Variants in SRRM3 observed in about 807,000 individuals in gnomAD.
SRRM3 encodes serine/arginine repetitive matrix protein 3.
In SRRM3, 27 loss-of-function variants were observed where a neutral mutation model predicts 66.2. That is an observed-to-expected ratio of 0.41 (90% CI 0.30 to 0.56). SRRM3 has a LOEUF of 0.56. Ranked by LOEUF, SRRM3 falls within the 20% of genes least tolerant of loss-of-function variation. The pLI is 0.32. For missense variants in SRRM3, 918 were observed against 991.9 expected (o/e 0.93, Z 1.00); for synonymous variants, 391 against 414.9 (o/e 0.94, Z 0.70).
intron 1 of SRRM3, among the ~76,000 whole-genome samples, chr7:76,226,945 C>T (rs942476736): frequency 7.2e-5 from 11 of 152,152 alleles, no homozygotes; most frequent in African/African-American, 2.2e-4. Flanking sequence ...AGGAAAGGAC[C>T]CTTGGGGTCT....
chr7:76,250,485 C>T (rs1368278375), intron 3 of SRRM3, among the ~76,000 whole-genome samples: 1 of 152,124 alleles, frequency 6.6e-6, no homozygotes, highest in African/African-American at 2.4e-5. Flanking sequence ...CCACCCGCCT[C>T]GGCCTCCCAA....
Position 76,240,283 on chromosome 7 carries a change from A to C in SRRM3, c.233+4984A>C, listed in dbSNP as rs575078192. Among the ~76,000 whole-genome samples, 36 of 152,214 alleles carry C rather than the reference A, an allele frequency of 2.4e-4. 1 individual carries two copies. In the South Asian group the frequency reaches 6.0e-3, roughly 25 times the overall value. On this transcript the variant is annotated intron_variant, in intron 2 of 14. Transcript: ENST00000611745. Reference sequence around the variant, plus strand: ...AGAATTGCTTGAGGCCAAGAGTTTGAGACCAGCCTGTGTAACATAGCAAGA... The same window carrying C: ...AGAATTGCTTGAGGCCAAGAGTTTGCGACCAGCCTGTGTAACATAGCAAGA...
chr7:76,255,468 G>T (rs1339102409), intron 3 of SRRM3, among the ~76,000 whole-genome samples: 5 of 151,452 alleles, frequency 3.3e-5, no homozygotes, highest in Admixed American at 3.3e-4. Flanking sequence ...TAAAGATGGG[G>T]TCTCGCTGTG....
At chr7:76,247,436 T>C (rs1894761) in intron 2 of SRRM3, among the ~76,000 whole-genome samples, 52,691 of 151,674 alleles carry the variant, frequency 0.35, 10,583 homozygotes, top group East Asian at 0.6. Flanking sequence ...TGGGATGTCA[T>C]GGAGGCCAGG....
intron 2 of SRRM3, among the ~76,000 whole-genome samples, chr7:76,241,871 G>A (rs143208353): frequency 6.6e-6 from 1 of 152,286 alleles, no homozygotes; most frequent in East Asian, 1.9e-4. Flanking sequence ...AATACATCAC[G>A]TCTGTGTTAG....
intron 14 of SRRM3, chr7:76,283,482 C>G (rs1554612318): frequency 4.4e-6 from 2 of 456,498 alleles, no homozygotes; most frequent in Middle Eastern, 3.3e-4. Flanking sequence ...TCCCTGCATC[C>G]GTCTCCGGAC....
At position 76,223,700 on chromosome 7, in the gene SRRM3, T is replaced by C. The variant is rs1800778914; in HGVS notation, c.-39-11328T>C. 1.3e-5 allele frequency among the ~76,000 whole-genome samples: 2 copies of C among 152,060 alleles called. 1 individual carries two copies. Among genetic ancestry groups the C allele is most frequent in the South Asian group, 4.1e-4 (2 of 4,826 alleles). ...CACACTGGGCTTTTTCTCTGGAAGG[T>C]CTCATCCTGCGTTTGCAGCCACCAC... is the stretch of plus-strand genomic sequence containing the variant. On this transcript the variant is annotated intron_variant, in intron 1 of 14. Coordinates refer to ENST00000611745, the MANE Select transcript of SRRM3 (RefSeq NM_001110199.3).
chr7:76,242,196 T>A lies in SRRM3; in HGVS notation c.234-5992T>A, dbSNP rs531154753. Among the ~76,000 whole-genome samples the A allele has an allele frequency of 6.6e-5, 10 of 152,028 alleles. No homozygotes were observed. In the South Asian group the frequency reaches 2.1e-3, roughly 32 times the overall value. ...CAGATACCAGTTTTGTGGAAGAAAATTTTTCTGGCTGGGCGAGGTGGCTCA... is the reference window on the plus strand; with the variant it reads ...CAGATACCAGTTTTGTGGAAGAAAAATTTTCTGGCTGGGCGAGGTGGCTCA... On this transcript the variant is annotated intron_variant, in intron 2 of 14. Coordinates refer to ENST00000611745, the MANE Select transcript of SRRM3 (RefSeq NM_001110199.3).
chr7:76,275,755 A>G (rs539276626), intron 11 of SRRM3, among the ~76,000 whole-genome samples: 2 of 152,120 alleles, frequency 1.3e-5, no homozygotes, highest in South Asian at 4.1e-4. Context: ...CCCTTCCACC[A>G]TCTTTTCCAC....
chr7:76,262,012 A>G (rs1375416666), intron 8 of SRRM3, among the ~76,000 whole-genome samples: 1 of 151,656 alleles, frequency 6.6e-6, no homozygotes, highest in African/African-American at 2.4e-5. Flanking sequence ...TTTCTCGGGG[A>G]CAGGTGCTAG....
chr7:76,231,511 C>T (rs1178864961), intron 1 of SRRM3, among the ~76,000 whole-genome samples: 1 of 152,228 alleles, frequency 6.6e-6, no homozygotes, highest in East Asian at 1.9e-4. Context: ...GGGAGCCTTG[C>T]CCAGGTCAGA....
chr7:76,224,006 C>A (rs1300924969), intron 1 of SRRM3, among the ~76,000 whole-genome samples: 1 of 57,920 alleles, frequency 1.7e-5, no homozygotes, highest in East Asian at 5.7e-4. Context: ...AATTCCCCCT[C>A]CCCTGCCCCC....
At chr7:76,245,648 G>C (rs1554606087) in intron 2 of SRRM3, among the ~76,000 whole-genome samples, 1 of 152,072 alleles carries the variant, frequency 6.6e-6, no homozygotes, top group Non-Finnish European at 1.5e-5. Flanking sequence ...ACCCTGTTGG[G>C]CTATCAAACA....
intron 3 of SRRM3, among the ~76,000 whole-genome samples, chr7:76,255,392 G>A (rs530996903): frequency 4.0e-5 from 6 of 151,734 alleles, no homozygotes; most frequent in Non-Finnish European, 7.4e-5. Context: ...CAGGTGATCC[G>A]CCCGCCTTCG....
chr7:76,235,314 G>A lies in SRRM3; in HGVS notation c.233+15G>A. On this transcript the variant is annotated intron_variant, in intron 2 of 14. Coordinates refer to ENST00000611745, the MANE Select transcript of SRRM3 (RefSeq NM_001110199.3). ...GAGGAGCAGGGGTGAGCAGGCCGCG[G>A]GGCGGGACTGGGGTGGGGAGATAGG... The A allele has an allele frequency of 2.0e-6, 3 of 1,490,778 alleles. No homozygotes were observed. The highest frequency in any genetic ancestry group is 2.7e-6 in the Non-Finnish European group (3 of 1,121,024). 92.3% of individuals were successfully genotyped at this position (1,490,778 alleles called of 1,614,324 possible).
intron 1 of SRRM3, among the ~76,000 whole-genome samples, chr7:76,234,341 G>C (rs373730846): frequency 5.6e-4 from 85 of 152,228 alleles, no homozygotes; most frequent in African/African-American, 2.0e-3. Context: ...GCTAATGTCA[G>C]TGTCAGCTTT....
intron 1 of SRRM3, among the ~76,000 whole-genome samples, chr7:76,228,450 C>T (rs528193727): frequency 1.1e-4 from 16 of 152,046 alleles, no homozygotes; most frequent in African/African-American, 3.6e-4. Flanking sequence ...TCTTGCTGGG[C>T]GCGGTGGCTC....
intron 3 of SRRM3, among the ~76,000 whole-genome samples, chr7:76,250,016 A>G (rs11984438): frequency 0.24 from 35,703 of 151,640 alleles, 4,520 homozygotes; most frequent in East Asian, 0.45. Flanking sequence ...TCCTGTTGCA[A>G]TCATCTTTAT....
intron 1 of SRRM3, among the ~76,000 whole-genome samples, chr7:76,220,359 G>A (rs1800679319): frequency 6.6e-6 from 1 of 152,220 alleles, no homozygotes; most frequent in Non-Finnish European, 1.5e-5. Flanking sequence ...CTTGCAGGAA[G>A]GGTAGATGAG....
Sources: gnomAD v4.1 joint callset for allele counts (sites outside exome capture counted in the v4.1 genomes callset) on GRCh38, gnomAD v4.1.1 for gene constraint, MANE v1.5 for transcripts, NCBI Gene and HGNC (gene_info 2026-07-23, HGNC 2026-07-21) for gene names.